The following PSPC1 variants were observed in gnomAD, a reference collection of about 807,000 sequenced individuals.
The protein encoded by PSPC1 is paraspeckle protein 1.
A neutral mutation model predicts 51.6 loss-of-function variants in PSPC1; 14 were observed. The ratio of observed to expected loss-of-function variants is 0.27; its 90% CI spans 0.18 to 0.42. The LOEUF (loss-of-function observed/expected upper bound fraction) is 0.42, where lower values mean the gene tolerates loss of function less well. PSPC1 is among the 10% of genes least tolerant of loss of function. PSPC1 has a pLI of 1.00. For synonymous variants in PSPC1, 193 were observed against 231.9 expected (o/e 0.83, Z 1.53); for missense variants, 406 against 701.1 (o/e 0.58, Z 4.75).
chr13:19,674,936 A>G (rs1382180633), exon 8 of PSPC1: 1 of 152,194 alleles, frequency 6.6e-6, no homozygotes, highest in Non-Finnish European at 1.5e-5. Context: ...TGGGATTTCT[A>G]GACGTCTCCT....
In PSPC1 at chr13:19,715,013, T is replaced by C. The variant is rs150075886; in HGVS notation, c.1159-5414A>G. Among the ~76,000 whole-genome samples the C allele has an allele frequency of 3.5e-4, 54 of 152,202 alleles. No homozygotes were observed. The East Asian group carries it at 9.8e-3, about 28-fold the overall frequency. On this transcript the variant is annotated intron_variant, in intron 6 of 8. Coordinates refer to ENST00000338910, the MANE Select transcript of PSPC1 (RefSeq NM_001354909.2). ...ACCATTTTTTATAGAGCAAAACAAA[T>C]TTACAAAACATAAAACAACACCATT... is the stretch of plus-strand genomic sequence containing the variant.
intron 6 of PSPC1, among the ~76,000 whole-genome samples, chr13:19,686,627 GATT>G (rs568344831): frequency 2.2e-4 from 33 of 152,232 alleles, no homozygotes; most frequent in Admixed American, 1.7e-3. Flanking sequence ...TTTGTATCTT[GATT>G]TCTGTGTACC....
intron 5 of PSPC1, among the ~76,000 whole-genome samples, chr13:19,738,180 T>C (rs1388983817): frequency 1.3e-5 from 2 of 152,162 alleles, no homozygotes; most frequent in South Asian, 2.1e-4. Context: ...CTGCATGTAT[T>C]TGTCAATATT....
intron 3 of PSPC1, among the ~76,000 whole-genome samples, chr13:19,755,201 A>C (rs942080202): frequency 4.0e-5 from 6 of 151,766 alleles, no homozygotes; most frequent in Non-Finnish European, 7.4e-5. Flanking sequence ...ATGCCATTGC[A>C]CTGCAGTCTG....
chr13:19,697,471 A>G (rs1488517519), intron 6 of PSPC1, among the ~76,000 whole-genome samples: 2 of 152,212 alleles, frequency 1.3e-5, no homozygotes, highest in Non-Finnish European at 2.9e-5. Flanking sequence ...TAATGGATAT[A>G]GTGAAATTCT....
rs1555248077 is a variant in PSPC1 at position 19,765,347 on chromosome 13, T to TA, written c.675-5930dup. ...CAAAAATAATAATAATAATAATAAT[T>TA]ATTATTATTATTATTATTACCAGGA... is the stretch of plus-strand genomic sequence containing the variant. On this transcript the variant is annotated intron_variant, in intron 2 of 8. Coordinates refer to ENST00000338910, the MANE Select transcript of PSPC1 (RefSeq NM_001354909.2). Among the ~76,000 whole-genome samples, 425 of 139,016 alleles carry TA rather than the reference T, an allele frequency of 3.1e-3. 1 individual carries two copies. Among genetic ancestry groups the TA allele is most frequent in the South Asian group, 0.022 (101 of 4,550 alleles). 91.2% of individuals were successfully genotyped at this position (139,016 alleles called of 152,430 possible).
downstream of PSPC1, among the ~76,000 whole-genome samples, chr13:19,673,651 C>CCAA (rs1876296431): frequency 6.6e-6 from 1 of 152,096 alleles, no homozygotes. Flanking sequence ...TAGGAGGAGT[C>CCAA]CAACTATAGA....
chr13:19,776,006 G>A (rs1027476211), intron 1 of PSPC1, among the ~76,000 whole-genome samples: 11 of 151,678 alleles, frequency 7.3e-5, no homozygotes, highest in African/African-American at 2.4e-4. Flanking sequence ...AGCCGCGATC[G>A]CACCACTGCA....
intron 1 of PSPC1, among the ~76,000 whole-genome samples, chr13:19,778,236 G>A (rs1272818176): frequency 5.5e-4 from 82 of 149,278 alleles, no homozygotes; most frequent in African/African-American, 1.7e-3. Context: ...GCAAGATTCC[G>A]TCTCAAAAAA....
chr13:19,717,060 A>G (rs1240189039), intron 6 of PSPC1, among the ~76,000 whole-genome samples: 1 of 150,986 alleles, frequency 6.6e-6, no homozygotes, highest in Non-Finnish European at 1.5e-5. Context: ...ACTGCATCTC[A>G]AAAAAAACAA....
intron 2 of PSPC1, among the ~76,000 whole-genome samples, chr13:19,760,016 C>G (rs1887464047): frequency 6.6e-6 from 1 of 152,082 alleles, no homozygotes; most frequent in Non-Finnish European, 1.5e-5. Flanking sequence ...GAATTTGTAC[C>G]TAACCCATGT....
In PSPC1 at chr13:19,775,262, G is replaced by A. The variant is rs148260987; in HGVS notation, c.373-2719C>T. On this transcript the variant is annotated intron_variant, in intron 1 of 8. Transcript: ENST00000338910. Reference sequence around the variant, plus strand: ...AGCTACTCAGGAGGCTGAGGCAGGAGAATTGCTTGAACCCGTGAGGCAGAG... The same window carrying A: ...AGCTACTCAGGAGGCTGAGGCAGGAAAATTGCTTGAACCCGTGAGGCAGAG... Among the ~76,000 whole-genome samples, 1,352 of 152,116 alleles carry A rather than the reference G, an allele frequency of 8.9e-3. 13 individuals are homozygous for A. Among genetic ancestry groups the A allele is most frequent in the African/African-American group, 0.031 (1,284 of 41,500 alleles).
In PSPC1 at chr13:19,709,571, A is replaced by G; in HGVS notation, c.1187T>C (p.Met396Thr). Reference protein sequence around the residue: ...NREQEMRMGDMGPRGAINMGD... With the variant: ...NREQEMRMGDTGPRGAINMGD... ...CATGTTTATTGCTCCACGGGGACCC[A>G]TATCACCCATTCTCATTTCCTGTTC... Residue 396 changes from methionine (M) to threonine (T), a missense_variant, in exon 7 of 9, where the codon ATG (methionine) becomes ACG (threonine). By Grantham distance (81) the Met-to-Thr change is moderately conservative (BLOSUM62 -1). Coordinates refer to ENST00000338910, the MANE Select transcript of PSPC1 (RefSeq NM_001354909.2). The G allele has an allele frequency of 6.2e-7, 1 of 1,612,832 alleles. No individual in the cohort carries two copies. The highest frequency in any genetic ancestry group is 8.5e-7 in the Non-Finnish European group (1 of 1,179,520).
chr13:19,776,987 C>T (rs1271457728), intron 1 of PSPC1, among the ~76,000 whole-genome samples: 1 of 140,462 alleles, frequency 7.1e-6, no homozygotes, highest in Non-Finnish European at 1.5e-5. Context: ...TCAGCCTGGG[C>T]TGGTGTCATG....
At chr13:19,689,743 C>A (rs1050499877) in intron 6 of PSPC1, among the ~76,000 whole-genome samples, 3 of 152,082 alleles carry the variant, frequency 2.0e-5, no homozygotes, top group African/African-American at 7.2e-5. Flanking sequence ...GAGACTAAAA[C>A]CAAAATGCAG....
chr13:19,718,160 C>T (rs1392766515), intron 6 of PSPC1, among the ~76,000 whole-genome samples: 1 of 152,140 alleles, frequency 6.6e-6, no homozygotes, highest in Non-Finnish European at 1.5e-5. Flanking sequence ...GAAAACTTAA[C>T]ATTTGAAATT....
chr13:19,693,760 T>C (rs759948247), intron 6 of PSPC1, among the ~76,000 whole-genome samples: 1 of 152,178 alleles, frequency 6.6e-6, no homozygotes, highest in Non-Finnish European at 1.5e-5. Context: ...ACTCCTTCCC[T>C]GCAGGACAGC....
chr13:19,692,832 C>A (rs1878727767), intron 6 of PSPC1, among the ~76,000 whole-genome samples: 1 of 152,156 alleles, frequency 6.6e-6, no homozygotes, highest in Non-Finnish European at 1.5e-5. Context: ...TTACTCTTAT[C>A]TGGAATCTGA....
intron 1 of PSPC1, among the ~76,000 whole-genome samples, chr13:19,780,346 A>C (rs1889814478): frequency 9.3e-6 from 1 of 107,664 alleles, no homozygotes; most frequent in African/African-American, 3.1e-5. Flanking sequence ...CCAGGATGAC[A>C]ATGGCGGCTT....
Sources: allele counts gnomAD v4.1 joint callset (sites outside exome capture counted in the v4.1 genomes callset), GRCh38; gene constraint gnomAD v4.1.1; transcripts MANE v1.5; gene names NCBI Gene and HGNC (gene_info 2026-07-23, HGNC 2026-07-21).